Variants in CPSF1 observed in about 807,000 individuals in gnomAD.
CPSF1 encodes cleavage and polyadenylation specific factor 1, also known as cleavage and polyadenylation specificity factor subunit 1.
In CPSF1, 106 loss-of-function variants were observed where a neutral mutation model predicts 175.8. That is an observed-to-expected ratio of 0.60 (90% CI 0.52 to 0.71). The LOEUF is 0.71. Among genes scored for constraint, CPSF1 ranks in the 30% least tolerant of loss-of-function variants. CPSF1 has a pLI of 0.00. For missense variants in CPSF1, 1,734 were observed against 2,022.9 expected (o/e 0.86, Z 2.74); for synonymous variants, 1,024 against 858.3 (o/e 1.19, Z -3.37).
rs2116910261 is a variant in CPSF1, at chr8:144,408,100, G to A, written c.144+915C>T. On this transcript the variant is annotated intron_variant, in intron 2 of 37. Transcript: ENST00000616140. ...TTGGCCTCCTTTGGCCTGAGCTTCT[G>A]ACCCATCTGCCTGCTGGGTCAGCCC... Among the ~76,000 whole-genome samples the A allele has an allele frequency of 7.2e-4, 109 of 152,282 alleles. 1 individual carries two copies. Among genetic ancestry groups the A allele is most frequent in the African/African-American group, 2.6e-3 (106 of 41,550 alleles).
Position 144,394,815 on chromosome 8 carries a change from G to A in CPSF1, c.3415-19C>T. ...TCAAGATCTGGAGGGCATGGGTATG[G>A]CTGTGGGATGGCTGTGGGGATGGCA... On this transcript the variant is annotated intron_variant, in intron 30 of 37. Coordinates refer to ENST00000616140, the MANE Select transcript of CPSF1 (RefSeq NM_013291.3). The A allele has an allele frequency of 1.9e-6, 3 of 1,613,214 alleles. No homozygotes were observed. Among genetic ancestry groups the A allele is most frequent in the East Asian group, 2.2e-5 (1 of 44,876 alleles).
intron 2 of CPSF1, among the ~76,000 whole-genome samples, chr8:144,406,850 C>T (rs2116906441): frequency 6.6e-6 from 1 of 152,226 alleles, no homozygotes; most frequent in Non-Finnish European, 1.5e-5. Flanking sequence ...AGGTGTTGCA[C>T]CCTCCGCAAC....
In CPSF1 at chr8:144,400,964, C is replaced by T; in HGVS notation, c.499G>A (p.Glu167Lys). Residue 167 changes from glutamate (E) to lysine (K), a missense_variant, in exon 6 of 38, where the codon GAG becomes AAG. Transcript: ENST00000616140. ...TRLVVLPFRR[E>K]SLAEEHEGLV... ...CCCTCGTGCTCCTCAGCCAGGCTCT[C>T]CCTGCGGAAGGGCAGGACCACCAGC... The T allele has an allele frequency of 6.2e-7, 1 of 1,609,142 alleles. No homozygotes were observed.
In CPSF1 at chr8:144,399,452, C is replaced by G. The variant is rs2116862757; in HGVS notation, c.1294G>C (p.Ala432Pro). The G allele has an allele frequency of 3.1e-6, 5 of 1,612,968 alleles. No individual in the cohort carries two copies. Among genetic ancestry groups the G allele is most frequent in the Non-Finnish European group, 4.2e-6 (5 of 1,179,962 alleles). The stretch of plus-strand genomic sequence containing the variant: ...TGACCAGCCCTGGACCGGCCCTCAC[C>G]TGACCAGCCGGCCGTCGCATCCACT... ...KRVDATAGWS[A>P]AGKSVPQDEV... The change falls in exon 13 of 38, where the codon GCT (alanine) becomes CCT (proline). Residue 432 changes from alanine (A) to proline (P), a missense_variant and splice_region_variant. Coordinates refer to ENST00000616140, the MANE Select transcript of CPSF1 (RefSeq NM_013291.3). The surrounding 1 kb of genome is among the most constrained non-coding windows in gnomAD (Gnocchi z 6.4).
chr8:144,396,900 G>C lies in CPSF1; in HGVS notation c.2622C>G (p.Tyr874Ter). 6.2e-7 allele frequency: 1 copy of C among 1,613,702 alleles called. No homozygotes were observed. The highest frequency in any genetic ancestry group is 8.5e-7 in the Non-Finnish European group (1 of 1,179,860). Reference protein sequence around the residue: ...LVHVDQELLIYEAFPHDSQLG... With the variant: ...LVHVDQELLI Reference sequence around the variant, plus strand: ...GCTGAGAGTCGTGGGGGAAGGCCTCGTAGATAAGCAGCTCTTGGTCCACAT... The same window carrying C: ...GCTGAGAGTCGTGGGGGAAGGCCTCCTAGATAAGCAGCTCTTGGTCCACAT... The change falls in exon 24 of 38, where the codon TAC becomes TAG. Residue 874 changes from tyrosine to a stop codon, truncating the protein, a stop_gained. Transcript: ENST00000616140. LOFTEE classifies it high-confidence loss of function.
In CPSF1 at chr8:144,402,519, G is replaced by T. The variant is rs2116891832; in HGVS notation, c.145-846C>A. On this transcript the variant is annotated intron_variant, in intron 2 of 37. Coordinates refer to ENST00000616140, the MANE Select transcript of CPSF1 (RefSeq NM_013291.3). ...AGGGTTTCACCATGTTGGCCAGGCTGGTCTCGAACTCCTGACCTCAGGTGA... is the reference window on the plus strand; with the variant it reads ...AGGGTTTCACCATGTTGGCCAGGCTTGTCTCGAACTCCTGACCTCAGGTGA... 7.9e-5 allele frequency among the ~76,000 whole-genome samples: 12 copies of T among 152,240 alleles called. No individual in the cohort carries two copies. In the East Asian group the frequency reaches 1.9e-3, roughly 24 times the overall value.
chr8:144,397,715 C>T (rs1820857780), intron 21 of CPSF1, 28 bp downstream of exon 21: 1 of 1,584,648 alleles, frequency 6.3e-7, no homozygotes. Flanking sequence ...GACCCAAGCC[C>T]CTACCTGCGC....
chr8:144,400,135 G>GGGGGGGGCGCCCCCCCCCCCCCCC, intron 9 of CPSF1, 31 bp downstream of exon 9: 1 of 896,008 alleles, frequency 1.1e-6, no homozygotes, highest in Non-Finnish European at 1.6e-6. Context: ...CCGTCCCCGG[G>GGGGGGGGCGCCCCCCCCCCCCCCC]CCCCCCCCGC....
At chr8:144,408,466 A>C (rs1358394290) in intron 2 of CPSF1, among the ~76,000 whole-genome samples, 1 of 152,106 alleles carries the variant, frequency 6.6e-6, no homozygotes, top group Admixed American at 6.6e-5. Flanking sequence ...CCACTGTACC[A>C]AGACTCCTGT....
intron 1 of CPSF1, 36 bp from the exon 2 acceptor site, chr8:144,409,208 C>A: frequency 1.3e-6 from 2 of 1,491,948 alleles, no homozygotes; most frequent in South Asian, 2.6e-5. Flanking sequence ...TGAGCGGGGT[C>A]GCCCACGCAG....
Position 144,397,727 on chromosome 8 carries a change from C to T in CPSF1, c.2210+16G>A. ...AGGGACCCAAGCCCCTACCTGCGCC[C>T]CCAGCCCCCACGCACCTAGTCTCTG... On this transcript the variant is annotated intron_variant, in intron 21 of 37. Coordinates refer to ENST00000616140, the MANE Select transcript of CPSF1 (RefSeq NM_013291.3). 6.3e-7 allele frequency: 1 copy of T among 1,588,544 alleles called. No individual in the cohort carries two copies. The highest frequency in any genetic ancestry group is 8.6e-7 in the Non-Finnish European group (1 of 1,161,602).
At chr8:144,404,160 T>C (rs1343129984) in intron 2 of CPSF1, among the ~76,000 whole-genome samples, 1 of 150,832 alleles carries the variant, frequency 6.6e-6, no homozygotes, top group African/African-American at 2.4e-5. Flanking sequence ...GAGGCGGAGG[T>C]TGCAGTGAGC....
chr8:144,396,578 C>T lies in CPSF1; in HGVS notation c.2826+20G>A, dbSNP rs1157830584. ...CGCGTCTCCCTTCTACCACAGACCC[C>T]TGCAAAGGCGCTGGCCTACCCCTGA... On this transcript the variant is annotated intron_variant, in intron 25 of 37. Transcript: ENST00000616140. 4 of 1,610,676 alleles carry T rather than the reference C, an allele frequency of 2.5e-6. No homozygotes were observed. The highest frequency in any genetic ancestry group is 3.4e-6 in the Non-Finnish European group (4 of 1,178,102).
At chr8:144,401,848 A>AC (rs1166725863) in intron 2 of CPSF1, among the ~76,000 whole-genome samples, 175 bp from the exon 3 acceptor site, 3 of 150,504 alleles carry the variant, frequency 2.0e-5, no homozygotes, top group Non-Finnish European at 4.4e-5. Context: ...CCCCACAGCG[A>AC]CCCCCATTCA....
chr8:144,401,678 A>G lies in CPSF1; in HGVS notation c.145-5T>C. On this transcript the variant is annotated splice_polypyrimidine_tract_variant and splice_region_variant and intron_variant, in intron 2 of 37. Transcript: ENST00000616140. ...CCTGTCATTCTTGGTCAGAGCCTGGAGGGGAGAGAAAGACAGGGCAGTGAG... is the reference window on the plus strand; with the variant it reads ...CCTGTCATTCTTGGTCAGAGCCTGGGGGGGAGAGAAAGACAGGGCAGTGAG... 1 of 1,606,040 alleles carries G rather than the reference A, an allele frequency of 6.2e-7. No homozygotes were observed. Among genetic ancestry groups the G allele is most frequent in the Non-Finnish European group, 8.5e-7 (1 of 1,176,416 alleles).
At chr8:144,403,883 C>A (rs1821355248) in intron 2 of CPSF1, among the ~76,000 whole-genome samples, 1 of 151,716 alleles carries the variant, frequency 6.6e-6, no homozygotes, top group Non-Finnish European at 1.5e-5. Flanking sequence ...TACAAAAAGT[C>A]TACAGCAATG....
In CPSF1 at chr8:144,397,678, G is replaced by C. The variant is rs1554864494; in HGVS notation, c.2211-17C>G. 11 of 1,550,642 alleles carry C rather than the reference G, an allele frequency of 7.1e-6. No homozygotes were observed. Among genetic ancestry groups the C allele is most frequent in the Non-Finnish European group, 9.6e-6 (11 of 1,144,544 alleles). On this transcript the variant is annotated splice_polypyrimidine_tract_variant and intron_variant, in intron 21 of 37. Transcript: ENST00000616140. Reference sequence around the variant, plus strand: ...ACTGTGGGGCTGGGGGCCAGCAGAAGGTCATGGGCGGCCTGCCAGCCCCAG... The same window carrying C: ...ACTGTGGGGCTGGGGGCCAGCAGAACGTCATGGGCGGCCTGCCAGCCCCAG...
In CPSF1 at chr8:144,400,379, C is replaced by T; in HGVS notation, c.801G>A (p.Gln267=). The change falls in exon 8 of 38, where the codon CAG becomes CAA. Residue 267 remains glutamine, a synonymous_variant. Coordinates refer to ENST00000616140, the MANE Select transcript of CPSF1 (RefSeq NM_013291.3). ...SLTSLPFDCT[Q]ALAVPKPIGG... ...CTATGGGCTTGGGCACAGCCAGAGC[C>T]TGGGTGCAGTCAAAGGGCAGGCTGG... 1 of 1,613,920 alleles carries T rather than the reference C, an allele frequency of 6.2e-7. No homozygotes were observed. Among genetic ancestry groups the T allele is most frequent in the Middle Eastern group, 1.6e-4 (1 of 6,062 alleles).
intron 2 of CPSF1, among the ~76,000 whole-genome samples, chr8:144,408,138 C>G (rs1821594904): frequency 6.6e-6 from 1 of 152,184 alleles, no homozygotes; most frequent in African/African-American, 2.4e-5. Flanking sequence ...ATTCACAACC[C>G]TCTTGTGGCT....
Sources: gnomAD v4.1 joint callset for allele counts (sites outside exome capture counted in the v4.1 genomes callset) on GRCh38, gnomAD v4.1.1 for gene constraint, Gnocchi (gnomAD v3.1) non-coding constraint, MANE v1.5 for transcripts, NCBI Gene and HGNC (gene_info 2026-07-23, HGNC 2026-07-21) for gene names.